Variants in SLIT3 observed in about 807,000 individuals in gnomAD.
The protein encoded by SLIT3 is slit guidance ligand 3.
Under a neutral mutation model 184.0 loss-of-function variants are expected in SLIT3, and 68 were observed. That is an observed-to-expected ratio of 0.37 (90% CI 0.30 to 0.45). SLIT3 has a LOEUF of 0.45. Ranked by LOEUF, SLIT3 falls within the 20% of genes least tolerant of loss-of-function variation. SLIT3 has a pLI of 1.00. For synonymous variants in SLIT3, 831 were observed against 828.6 expected (o/e 1.00, Z -0.05); for missense variants, 1,707 against 2,026.0 (o/e 0.84, Z 3.02).
intron 4 of SLIT3, among the ~76,000 whole-genome samples, chr5:169,093,310 A>G (rs1301401185): frequency 1.3e-5 from 2 of 152,220 alleles, no homozygotes; most frequent in African/African-American, 4.8e-5. Flanking sequence ...TAGGTTAAAG[A>G]AAACCCTCTT....
chr5:169,216,393 G>C (rs570079681), intron 3 of SLIT3, among the ~76,000 whole-genome samples: 73 of 152,252 alleles, frequency 4.8e-4, no homozygotes, highest in African/African-American at 1.6e-3. Flanking sequence ...TGGCCTCCAA[G>C]GAAGTTCTAA....
chr5:169,286,743 C>T (rs921455300), intron 1 of SLIT3, among the ~76,000 whole-genome samples: 11 of 152,332 alleles, frequency 7.2e-5, no homozygotes, highest in African/African-American at 1.9e-4. Context: ...TATTTTCCCC[C>T]CACACAACTA....
chr5:169,158,212 C>T (rs1247814092), intron 4 of SLIT3, among the ~76,000 whole-genome samples: 1 of 152,112 alleles, frequency 6.6e-6, no homozygotes, highest in Admixed American at 6.5e-5. Context: ...AATCTTGAAA[C>T]CAGCAAGAGA....
At chr5:169,137,329 C>CAGAGAGAG (rs573469556) in intron 4 of SLIT3, among the ~76,000 whole-genome samples, 1,799 of 97,730 alleles carry the variant, frequency 0.018, 24 homozygotes, top group Middle Eastern at 0.062. Flanking sequence ...CACACACACA[C>CAGAGAGAG]ACACACAGAG....
rs1250817147 is a variant in SLIT3, at chr5:168,665,765, C to T, written c.*689G>A. 1 of 152,456 alleles carries T rather than the reference C, an allele frequency of 6.6e-6. No homozygotes were observed. The highest frequency in any genetic ancestry group is 1.5e-5 in the Non-Finnish European group (1 of 68,342). The allele number at this position is 152,456 out of a possible 1,614,324, so 9.4% of individuals were successfully genotyped here. On this transcript the variant is annotated 3_prime_UTR_variant, in exon 36 of 36. Coordinates refer to ENST00000519560, the MANE Select transcript of SLIT3 (RefSeq NM_003062.4). ...GAGAAGAGGGGTCCCCCAGTGGGTT[C>T]AGATACCCTGAAGGGGGGTCTGGGA...
At chr5:169,295,759 G>C (rs1245710083) in intron 1 of SLIT3, among the ~76,000 whole-genome samples, 2 of 152,170 alleles carry the variant, frequency 1.3e-5, no homozygotes, top group East Asian at 3.8e-4. Flanking sequence ...AACAATACTG[G>C]AGAGAAAACA....
intron 17 of SLIT3, 70 bp from the exon 18 acceptor site, chr5:168,753,168 G>A: frequency 7.7e-7 from 1 of 1,302,302 alleles, no homozygotes; most frequent in Non-Finnish European, 1.1e-6. Flanking sequence ...TGCCACGGTG[G>A]TGTGTGTGTG....
intron 4 of SLIT3, among the ~76,000 whole-genome samples, chr5:168,999,536 G>A (rs1272488782): frequency 6.6e-6 from 1 of 152,142 alleles, no homozygotes; most frequent in Non-Finnish European, 1.5e-5. Flanking sequence ...CAGGCAGATG[G>A]AGACCAGAAC....
chr5:168,681,189 G>A (rs920166988), intron 32 of SLIT3, among the ~76,000 whole-genome samples: 2 of 152,092 alleles, frequency 1.3e-5, no homozygotes, highest in Admixed American at 1.3e-4. Context: ...CTTCATCATT[G>A]GTGTTCCTGT....
intron 4 of SLIT3, among the ~76,000 whole-genome samples, chr5:169,184,884 C>G (rs966540836): frequency 2.0e-5 from 3 of 152,178 alleles, no homozygotes; most frequent in Non-Finnish European, 2.9e-5. Context: ...CAGATACATA[C>G]TAAAGTTTGA....
At chr5:168,714,783 T>A (rs1762667527) in intron 23 of SLIT3, among the ~76,000 whole-genome samples, 1 of 152,184 alleles carries the variant, frequency 6.6e-6, no homozygotes, top group African/African-American at 2.4e-5. Context: ...CCCTTCTCCC[T>A]GATGCCTCCC....
At chr5:169,219,179 T>C (rs1330508424) in intron 3 of SLIT3, among the ~76,000 whole-genome samples, 1 of 152,104 alleles carries the variant, frequency 6.6e-6, no homozygotes, top group Admixed American at 6.5e-5. Context: ...GGTGGTTTAT[T>C]ATCAGAAGAA....
rs1183234787 is a variant in SLIT3, at chr5:169,225,968, G to C, written c.341+18737C>G. On this transcript the variant is annotated intron_variant, in intron 3 of 35. Coordinates refer to ENST00000519560, the MANE Select transcript of SLIT3 (RefSeq NM_003062.4). ...GAGTGGAAGCAGACAGGGAAGAGAGGAGGTCTGCAGTCCTTTGAGCAAGAG... is the reference window on the plus strand; with the variant it reads ...GAGTGGAAGCAGACAGGGAAGAGAGCAGGTCTGCAGTCCTTTGAGCAAGAG... 3.3e-5 allele frequency among the ~76,000 whole-genome samples: 5 copies of C among 152,174 alleles called. No individual in the cohort carries two copies. The East Asian group carries it at 9.6e-4, about 29-fold the overall frequency.
chr5:169,115,107 C>G (rs116789817), intron 4 of SLIT3, among the ~76,000 whole-genome samples: 1,591 of 152,290 alleles, frequency 0.01, 28 homozygotes, highest in African/African-American at 0.036. Context: ...TGATCCCATC[C>G]AACTCAGCCA....
chr5:168,700,716 G>T, intron 26 of SLIT3, 37 bp from the exon 27 acceptor site: 3 of 1,520,118 alleles, frequency 2.0e-6, no homozygotes, highest in Non-Finnish European at 1.8e-6. Context: ...CTGGTTAGGG[G>T]GACTTCTGGG....
At chr5:169,246,815 A>T (rs1246153259) in intron 2 of SLIT3, among the ~76,000 whole-genome samples, 1 of 146,566 alleles carries the variant, frequency 6.8e-6, no homozygotes, top group African/African-American at 2.5e-5. Flanking sequence ...GCTACTTGGG[A>T]GGCTAAGGCA....
At chr5:169,002,580 C>T (rs374792081) in intron 4 of SLIT3, among the ~76,000 whole-genome samples, 15 of 152,100 alleles carry the variant, frequency 9.9e-5, no homozygotes, top group South Asian at 2.1e-4. Context: ...AGGAAAGTCA[C>T]GTGGAGTGAG....
In SLIT3 at chr5:169,252,329, A is replaced by G. The variant is rs564528791; in HGVS notation, c.198-870T>C. On this transcript the variant is annotated intron_variant, in intron 1 of 35. Transcript: ENST00000519560. ...ATTTGCATGGATTACTCCTGCCTCA[A>G]TTTATAGGCTTAAGCTCCTGAATAT... Among the ~76,000 whole-genome samples, 104 of 152,328 alleles carry G rather than the reference A, an allele frequency of 6.8e-4. 1 individual carries two copies. Among genetic ancestry groups the G allele is most frequent in the African/African-American group, 2.3e-3 (97 of 41,574 alleles).
At chr5:169,129,354 C>T (rs1017009774) in intron 4 of SLIT3, among the ~76,000 whole-genome samples, 1 of 152,074 alleles carries the variant, frequency 6.6e-6, no homozygotes. Flanking sequence ...GAGTTCAAGA[C>T]CAGCCTGGCC....
Sources: gnomAD v4.1 joint callset for allele counts (sites outside exome capture counted in the v4.1 genomes callset) on GRCh38, gnomAD v4.1.1 for gene constraint, MANE v1.5 for transcripts, NCBI Gene and HGNC (gene_info 2026-07-23, HGNC 2026-07-21) for gene names.